Variants in FABP12 observed in about 807,000 individuals in gnomAD.
FABP12 encodes the protein fatty acid binding protein 12.
Under a neutral mutation model 13.7 loss-of-function variants are expected in FABP12, and 19 were observed. The observed-to-expected ratio is 1.39, with a 90% confidence interval of 0.97 to 2.04. FABP12 has a LOEUF of 2.04. FABP12 is among the 30% of genes most tolerant of loss of function. FABP12 has a pLI of 0.00. For synonymous variants in FABP12, 61 were observed against 57.0 expected (o/e 1.07, Z -0.32); for missense variants, 182 against 164.2 (o/e 1.11, Z -0.59).
chr8:81,562,397 A>G (rs1414416537), intron 1 of FABP12, among the ~76,000 whole-genome samples: 1 of 152,052 alleles, frequency 6.6e-6, no homozygotes, highest in Non-Finnish European at 1.5e-5. Context: ...AAGAGAGGGA[A>G]AAGTAAAGGG....
intron 1 of FABP12, among the ~76,000 whole-genome samples, chr8:81,559,034 A>T (rs1809670878): frequency 6.6e-6 from 1 of 152,194 alleles, no homozygotes; most frequent in African/African-American, 2.4e-5. Context: ...ACTCAGCCAA[A>T]CACAAACTTG....
intron 1 of FABP12, among the ~76,000 whole-genome samples, chr8:81,571,977 G>C (rs964282461): frequency 6.6e-6 from 1 of 151,696 alleles, no homozygotes; most frequent in African/African-American, 2.4e-5. Context: ...TTTTCCATTA[G>C]TTATTGGGGT....
exon 2 of FABP12, chr8:81,531,271 T>C (rs1158843674): frequency 1.9e-6 from 3 of 1,607,222 alleles, no homozygotes; most frequent in Non-Finnish European, 2.5e-6. Flanking sequence ...CTTCGGAATT[T>C]TCACAAGAAA....
intron 1 of FABP12, among the ~76,000 whole-genome samples, chr8:81,574,147 C>T (rs927326143): frequency 1.3e-5 from 2 of 151,798 alleles, no homozygotes; most frequent in Non-Finnish European, 3.0e-5. Flanking sequence ...ATTTTGCTGA[C>T]AGTTTTAATC....
chr8:81,558,772 C>A (rs1028999992), intron 1 of FABP12, among the ~76,000 whole-genome samples: 39 of 151,732 alleles, frequency 2.6e-4, no homozygotes, highest in Non-Finnish European at 3.2e-4. Flanking sequence ...CGCCTGTAAT[C>A]CCAGCTACTT....
chr8:81,536,002 T>C (rs1011493103), upstream of FABP12, among the ~76,000 whole-genome samples: 9 of 152,214 alleles, frequency 5.9e-5, no homozygotes, highest in African/African-American at 1.9e-4. Flanking sequence ...CCATAACCCC[T>C]TTCGGGTCAA....
intron 1 of FABP12, among the ~76,000 whole-genome samples, chr8:81,546,535 C>T (rs895924315): frequency 2.0e-5 from 3 of 149,928 alleles, no homozygotes; most frequent in Non-Finnish European, 3.0e-5. Flanking sequence ...TGGTGGCGGG[C>T]GCCTATAGTT....
At chr8:81,569,929 C>T (rs191844181) in intron 1 of FABP12, among the ~76,000 whole-genome samples, 2 of 152,340 alleles carry the variant, frequency 1.3e-5, no homozygotes, top group African/African-American at 4.8e-5. Context: ...TGGCAGGCTG[C>T]ACTCAGTTCA....
At chr8:81,580,777 A>G (rs1371407800) in intron 1 of FABP12, among the ~76,000 whole-genome samples, 1 of 139,236 alleles carries the variant, frequency 7.2e-6, no homozygotes, top group African/African-American at 2.6e-5. Flanking sequence ...ACCCTGCCCA[A>G]CTGTCTCCTT....
intron 1 of FABP12, among the ~76,000 whole-genome samples, chr8:81,576,174 T>G (rs1303024108): frequency 2.0e-5 from 3 of 152,160 alleles, no homozygotes; most frequent in African/African-American, 7.2e-5. Context: ...ACTTATGATT[T>G]GAATGATATA....
chr8:81,533,585 TC>T (rs200710849), intron 1 of FABP12, among the ~76,000 whole-genome samples: 2 of 151,942 alleles, frequency 1.3e-5, no homozygotes, highest in Admixed American at 6.6e-5. Context: ...GTTCCTCAAG[TC>T]CCCCCCACAT....
chr8:81,531,386 G>A (rs980309290), exon 2 of FABP12: 1 of 1,039,638 alleles, frequency 9.6e-7, no homozygotes, highest in Non-Finnish European at 1.4e-6. Flanking sequence ...GAAGTAGTAT[G>A]GGAACTTGTT....
At chr8:81,527,842 C>T (rs1474268631) in intron 3 of FABP12, among the ~76,000 whole-genome samples, 2 of 151,892 alleles carry the variant, frequency 1.3e-5, no homozygotes. Context: ...GCCTATAGTC[C>T]CAGCTACTTG....
At chr8:81,587,374 C>A (rs117560176) in intron 1 of FABP12, among the ~76,000 whole-genome samples, 3,692 of 152,150 alleles carry the variant, frequency 0.024, 64 homozygotes, top group Non-Finnish European at 0.037. Flanking sequence ...CTGTAAATGT[C>A]TTTGGGCAGT....
At chr8:81,536,035 C>T (rs200518680), upstream of FABP12, among the ~76,000 whole-genome samples, 1 of 152,168 alleles carries the variant, frequency 6.6e-6, no homozygotes, top group East Asian at 1.9e-4. Flanking sequence ...GTGCCTTCAG[C>T]CTTGCCCTAT....
At chr8:81,541,209 CAA>C (rs1290179277) in intron 1 of FABP12, among the ~76,000 whole-genome samples, 2 of 151,234 alleles carry the variant, frequency 1.3e-5, no homozygotes, top group African/African-American at 2.4e-5. Context: ...GACACACACA[CAA>C]AGCGTGTATC....
intron 1 of FABP12, among the ~76,000 whole-genome samples, chr8:81,577,532 G>A (rs535031687): frequency 7.9e-5 from 12 of 152,258 alleles, no homozygotes; most frequent in African/African-American, 2.9e-4. Context: ...GCTGAGGTGG[G>A]CAGATCACTT....
intron 1 of FABP12, among the ~76,000 whole-genome samples, chr8:81,543,999 A>G (rs1253058101): frequency 6.6e-6 from 1 of 152,226 alleles, no homozygotes; most frequent in Admixed American, 6.5e-5. Flanking sequence ...AAACAGATAT[A>G]GAGCACAGGA....
At chr8:81,565,464 A>C (rs1312378276) in intron 1 of FABP12, among the ~76,000 whole-genome samples, 1 of 152,096 alleles carries the variant, frequency 6.6e-6, no homozygotes, top group Non-Finnish European at 1.5e-5. Flanking sequence ...AAATTCAAAA[A>C]AAATTGAAAT....
Sources: gnomAD v4.1 joint callset for allele counts (sites outside exome capture counted in the v4.1 genomes callset) on GRCh38, gnomAD v4.1.1 for gene constraint, MANE v1.5 for transcripts, NCBI Gene and HGNC (gene_info 2026-07-23, HGNC 2026-07-21) for gene names.